Variants in LMOD1 observed in about 807,000 individuals in gnomAD.
The protein encoded by LMOD1 is leiomodin 1, also known as leiomodin-1.
In LMOD1, 8 loss-of-function variants were observed where a neutral mutation model predicts 36.5. That is an observed-to-expected ratio of 0.22 (90% CI 0.13 to 0.40). The LOEUF (loss-of-function observed/expected upper bound fraction) is 0.40, where lower values mean the gene tolerates loss of function less well. Among genes scored for constraint, LMOD1 ranks in the 10% least tolerant of loss-of-function variants. The pLI is 1.00. For missense variants in LMOD1, 630 were observed against 751.1 expected (o/e 0.84, Z 1.88); for synonymous variants, 284 against 288.7 (o/e 0.98, Z 0.17).
chr1:201,902,006 A>G (rs1681339540), intron 1 of LMOD1, among the ~76,000 whole-genome samples: 1 of 149,808 alleles, frequency 6.7e-6, no homozygotes, highest in East Asian at 2.0e-4. Context: ...TATGTTGCCC[A>G]GGCTGGACTC....
rs766264807 is a variant in LMOD1, at chr1:201,898,354, G to A, written c.*18C>T. 2.5e-6 allele frequency: 4 copies of A among 1,611,954 alleles called. No individual in the cohort carries two copies. Among genetic ancestry groups the A allele is most frequent in the Non-Finnish European group, 3.4e-6 (4 of 1,179,134 alleles). Reference sequence around the variant, plus strand: ...TGAGCAGTCATGGCATTGGCAGATGGTGCCTGGCAGCCTGGTCCTACTGAA... The same window carrying A: ...TGAGCAGTCATGGCATTGGCAGATGATGCCTGGCAGCCTGGTCCTACTGAA... On this transcript the variant is annotated 3_prime_UTR_variant, in exon 3 of 3. Transcript: ENST00000367288.
chr1:201,901,805 C>T (rs1681331450), intron 1 of LMOD1, among the ~76,000 whole-genome samples: 1 of 147,436 alleles, frequency 6.8e-6, no homozygotes, highest in South Asian at 2.1e-4. Context: ...GTCCTGGCCC[C>T]TGCTTTTAAG....
At chr1:201,904,037 C>T (rs1436591194) in intron 1 of LMOD1, among the ~76,000 whole-genome samples, 1 of 152,214 alleles carries the variant, frequency 6.6e-6, no homozygotes, top group East Asian at 1.9e-4. Context: ...AGCAGCTCCT[C>T]TCGGCCCACC....
At position 201,899,312 on chromosome 1, in the gene LMOD1, G is replaced by A; in HGVS notation, c.1701C>T (p.Leu567=). ...CACGGGAGTTCTTCTCCTGGGCAGGGAGGACTTTGTCTCCCATCTTCCTCT... is the reference window on the plus strand; with the variant it reads ...CACGGGAGTTCTTCTCCTGGGCAGGAAGGACTTTGTCTCCCATCTTCCTCT... ...ATQRKMGDKV[L]PAQEKNSRDQ... Residue 567 remains leucine (L), a synonymous_variant, in exon 2 of 3, where the codon CTC becomes CTT. Coordinates refer to ENST00000367288, the MANE Select transcript of LMOD1 (RefSeq NM_012134.3). The surrounding 1 kb of genome is among the most constrained non-coding windows in gnomAD (Gnocchi z 6.3). 2 of 1,610,990 alleles carry A rather than the reference G, an allele frequency of 1.2e-6. No homozygotes were observed. The highest frequency in any genetic ancestry group is 1.7e-6 in the Non-Finnish European group (2 of 1,178,450).
chr1:201,903,275 A>G (rs1407765817), intron 1 of LMOD1, among the ~76,000 whole-genome samples: 1 of 152,232 alleles, frequency 6.6e-6, no homozygotes, highest in African/African-American at 2.4e-5. Flanking sequence ...TAGAATCACA[A>G]TAAGCAGCCA....
chr1:201,901,463 T>C (rs1681297964), intron 1 of LMOD1, among the ~76,000 whole-genome samples: 1 of 143,972 alleles, frequency 6.9e-6, no homozygotes, highest in African/African-American at 2.6e-5. Context: ...GACTGCACCA[T>C]TGCACTCCAG....
At chr1:201,939,308 T>C (rs1682075442) in intron 1 of LMOD1, among the ~76,000 whole-genome samples, 1 of 152,222 alleles carries the variant, frequency 6.6e-6, no homozygotes, top group African/African-American at 2.4e-5. Flanking sequence ...AGGATGATTT[T>C]ATCATCCCCA....
intron 1 of LMOD1, among the ~76,000 whole-genome samples, chr1:201,907,228 T>C (rs1433953977): frequency 6.6e-6 from 1 of 152,208 alleles, no homozygotes; most frequent in Non-Finnish European, 1.5e-5. Context: ...CTCTGTGACC[T>C]TGGCTGAGAC....
chr1:201,908,179 C>T (rs776292717), intron 1 of LMOD1, among the ~76,000 whole-genome samples: 2 of 152,176 alleles, frequency 1.3e-5, no homozygotes, highest in African/African-American at 4.8e-5. Flanking sequence ...TGCCAGCAAC[C>T]CTCTTTTTTG....
chr1:201,922,762 T>C (rs1681727688), intron 1 of LMOD1, among the ~76,000 whole-genome samples: 1 of 150,764 alleles, frequency 6.6e-6, no homozygotes, highest in South Asian at 2.1e-4. Context: ...TTATATTCAG[T>C]ATATTTGCCG....
Position 201,900,553 on chromosome 1 carries a change from T to A in LMOD1, c.460A>T (p.Ile154Phe). Residue 154 changes from isoleucine to phenylalanine, a missense_variant, in exon 2 of 3, where the codon ATC becomes TTC. By Grantham distance (21) the Ile-to-Phe change is conservative. Around this residue, in one of 3 missense-constraint regions of LMOD1, gnomAD observed 405 missense variants for 400.6 expected, o/e 1.01. Transcript: ENST00000367288. The part of the protein sequence containing the change: ...KSGEKPKEEK[I>F]IRGIDKGRVR... ...CGGCCCTTGTCAATGCCCCGGATGATCTTCTCCTCCTTGGGCTTCTCGCCA... is the reference window on the plus strand; with the variant it reads ...CGGCCCTTGTCAATGCCCCGGATGAACTTCTCCTCCTTGGGCTTCTCGCCA... 6.2e-7 allele frequency: 1 copy of A among 1,613,866 alleles called. No homozygotes were observed. The highest frequency in any genetic ancestry group is 8.5e-7 in the Non-Finnish European group (1 of 1,179,862).
At position 201,897,072 on chromosome 1, in the gene LMOD1, G is replaced by A. The variant is rs1387607818; in HGVS notation, c.*1300C>T. On this transcript the variant is annotated 3_prime_UTR_variant, in exon 3 of 3. Transcript: ENST00000367288. ...GCCTTTCACCTACACCCGATGGTGG[G>A]CATGGCAGCATTGTCAGCATTCCTG... 6 of 274,552 alleles carry A rather than the reference G, an allele frequency of 2.2e-5. No homozygotes were observed. The Admixed American group carries it at 2.4e-4, about 11-fold the overall frequency. The allele number at this position is 274,552 out of a possible 1,614,324, so 17.0% of individuals were successfully genotyped here. A position where few individuals can be genotyped will look rare whatever the true frequency, so the allele number is the denominator to read the frequency against.
intron 1 of LMOD1, among the ~76,000 whole-genome samples, chr1:201,933,597 ATATATATATATATAT>A (rs1558242940): frequency 7.2e-5 from 8 of 110,900 alleles, no homozygotes; most frequent in Non-Finnish European, 9.2e-5. Flanking sequence ...TACATACATT[ATATATATATATATAT>A]ATATATATAT....
chr1:201,933,595 T>TAATATATATA (rs1437458163), intron 1 of LMOD1, among the ~76,000 whole-genome samples: 3 of 63,234 alleles, frequency 4.7e-5, no homozygotes, highest in African/African-American at 1.4e-4. Flanking sequence ...TATACATACA[T>TAATATATATA]TATATATATA....
chr1:201,934,949 T>G (rs1049053967), intron 1 of LMOD1, among the ~76,000 whole-genome samples: 5 of 152,226 alleles, frequency 3.3e-5, no homozygotes, highest in Non-Finnish European at 7.3e-5. Flanking sequence ...GCCTCAGCCC[T>G]CTGCTCTCCT....
chr1:201,933,325 A>C (rs1571590446), intron 1 of LMOD1, among the ~76,000 whole-genome samples: 1 of 151,670 alleles, frequency 6.6e-6, no homozygotes, highest in Middle Eastern at 3.4e-3. Context: ...GAGGCAGGAG[A>C]ATCGCGTGAA....
rs534065511 is a variant in LMOD1 at position 201,930,484 on chromosome 1, G to A, written c.261+15596C>T. ...GAGCAGGACAGCCCAGGGTTATGAT[G>A]TAGGTGTCTGATTAAATGGTACTTC... On this transcript the variant is annotated intron_variant, in intron 1 of 2. Coordinates refer to ENST00000367288, the MANE Select transcript of LMOD1 (RefSeq NM_012134.3). 2.6e-5 allele frequency among the ~76,000 whole-genome samples: 4 copies of A among 152,282 alleles called. No individual in the cohort carries two copies. In the East Asian group the frequency reaches 7.7e-4, roughly 29 times the overall value.
chr1:201,899,738 C>T lies in LMOD1; in HGVS notation c.1275G>A (p.Gln425=), dbSNP rs550338438. Residue 425 remains glutamine (Q), a synonymous_variant, in exon 2 of 3, where the codon CAG becomes CAA. Coordinates refer to ENST00000367288, the MANE Select transcript of LMOD1 (RefSeq NM_012134.3). The surrounding 1 kb of genome is among the most constrained non-coding windows in gnomAD (Gnocchi z 6.3). ...CCGTCTTGCCTCCACAGATGTGTCG[C>T]TGGTTGTGGAAGCGGAGCTCGGTCA... is the stretch of plus-strand genomic sequence containing the variant. ...NTLTELRFHN[Q]RHICGGKTEM... 1.2e-5 allele frequency: 19 copies of T among 1,614,034 alleles called. No homozygotes were observed. The East Asian group carries it at 1.3e-4, about 11-fold the overall frequency.
At chr1:201,929,673 G>C (rs1230046637) in intron 1 of LMOD1, among the ~76,000 whole-genome samples, 1 of 152,198 alleles carries the variant, frequency 6.6e-6, no homozygotes, top group African/African-American at 2.4e-5. Context: ...AAATTTTGTA[G>C]ATTCAATCAA....
Sources: gnomAD v4.1 joint callset for allele counts (sites outside exome capture counted in the v4.1 genomes callset) on GRCh38, gnomAD v4.1.1 for gene constraint, gnomAD v4.1.1 regional missense constraint, Gnocchi (gnomAD v3.1) non-coding constraint, MANE v1.5 for transcripts, NCBI Gene and HGNC (gene_info 2026-07-23, HGNC 2026-07-21) for gene names.